Variants in KCNAB2 observed in about 807,000 individuals in gnomAD.
The protein encoded by KCNAB2 is potassium voltage-gated channel subfamily A regulatory beta subunit 2.
In KCNAB2, 29 loss-of-function variants were observed where a neutral mutation model predicts 63.6. That is an observed-to-expected ratio of 0.46 (90% CI 0.34 to 0.62). The LOEUF (loss-of-function observed/expected upper bound fraction) is 0.62. KCNAB2 is among the 20% of genes least tolerant of loss of function. KCNAB2 has a pLI of 0.01. For missense variants in KCNAB2, 359 were observed against 563.9 expected (o/e 0.64, Z 3.68); for synonymous variants, 222 against 224.2 (o/e 0.99, Z 0.09).
intron 2 of KCNAB2, among the ~76,000 whole-genome samples, chr1:6,065,437 C>T (rs1008612055): frequency 6.6e-5 from 10 of 152,208 alleles, no homozygotes; most frequent in Admixed American, 2.0e-4. Flanking sequence ...CCGCCCACAG[C>T]GCGCAGAGCC....
chr1:6,069,070 T>G lies in KCNAB2; in HGVS notation c.219-3685T>G, dbSNP rs1320145632. Among the ~76,000 whole-genome samples the G allele has an allele frequency of 6.6e-6, 1 of 152,146 alleles. No individual in the cohort carries two copies. The highest frequency in any genetic ancestry group is 1.5e-5 in the Non-Finnish European group (1 of 68,028). ...AACATCGTCCCAAACAAGCACTCCC[T>G]GGGACCCTGCCACTGCCAGCTCCAA... On this transcript the variant is annotated intron_variant, in intron 2 of 15. Transcript: ENST00000378083. This position sits in a 1 kb window ranked among gnomAD's most constrained non-coding sequence, Gnocchi z 5.4.
At chr1:6,041,213 G>C (rs916718299), upstream of KCNAB2, 1 of 156,702 alleles carries the variant, frequency 6.4e-6, no homozygotes, top group Non-Finnish European at 1.4e-5. Context: ...GAACATCAGC[G>C]ACAGCTGCGG....
At chr1:6,041,880 G>T, upstream of KCNAB2, 1 of 1,613,556 alleles carries the variant, frequency 6.2e-7, no homozygotes. Context: ...CAGGTAATGA[G>T]TCTTCATTCT....
In KCNAB2 at chr1:6,086,116, C is replaced by A; in HGVS notation, c.425+868C>A. On this transcript the variant is annotated intron_variant, in intron 6 of 15. Coordinates refer to ENST00000378083, the MANE Select transcript of KCNAB2 (RefSeq NM_001199862.2). This position sits in a 1 kb window ranked among gnomAD's most constrained non-coding sequence, Gnocchi z 4.2. ...AGCTTTATCTCAAGGTGCTGACAAGCCCCGGGGCCCTGTTCCTTAATAAAT... is the reference window on the plus strand; with the variant it reads ...AGCTTTATCTCAAGGTGCTGACAAGACCCGGGGCCCTGTTCCTTAATAAAT... 1 of 985,378 alleles carries A rather than the reference C, an allele frequency of 1.0e-6. No individual in the cohort carries two copies. Among genetic ancestry groups the A allele is most frequent in the Non-Finnish European group, 1.2e-6 (1 of 829,912 alleles). 61.0% of individuals were successfully genotyped at this position (985,378 alleles called of 1,614,324 possible).
At chr1:6,084,423 A>G (rs11582803) in intron 5 of KCNAB2, among the ~76,000 whole-genome samples, 5,735 of 152,330 alleles carry the variant, frequency 0.038, 152 homozygotes, top group Non-Finnish European at 0.059. Context: ...ACATATACAC[A>G]AGCATGCACA....
In KCNAB2 at chr1:6,096,264, G is replaced by T; in HGVS notation, c.949-372G>T. 2.4e-6 allele frequency: 1 copy of T among 411,222 alleles called. No homozygotes were observed. Among genetic ancestry groups the T allele is most frequent in the Non-Finnish European group, 4.8e-6 (1 of 209,114 alleles). The allele number at this position is 411,222 out of a possible 1,614,324, so 25.5% of individuals were successfully genotyped here. A position where few individuals can be genotyped will look rare whatever the true frequency, so the allele number is the denominator to read the frequency against. On this transcript the variant is annotated intron_variant, in intron 13 of 15. Transcript: ENST00000378083. The surrounding 1 kb of genome is among the most constrained non-coding windows in gnomAD (Gnocchi z 5.9). Reference sequence around the variant, plus strand: ...CTGGGGGGGATGGCCAGGGGAGAGAGCACTCCCCTAGGGCCAGGAGGTTCT... The same window carrying T: ...CTGGGGGGGATGGCCAGGGGAGAGATCACTCCCCTAGGGCCAGGAGGTTCT...
At chr1:6,063,752 G>C (rs553067287) in intron 2 of KCNAB2, among the ~76,000 whole-genome samples, 91 of 152,256 alleles carry the variant, frequency 6.0e-4, no homozygotes, top group African/African-American at 1.7e-3. Context: ...ATTTTCTGGA[G>C]AGGGCTACAT....
At chr1:5,997,746 C>T (rs1657020220) in intron 1 of KCNAB2, among the ~76,000 whole-genome samples, 1 of 152,218 alleles carries the variant, frequency 6.6e-6, no homozygotes, top group Admixed American at 6.5e-5. Flanking sequence ...AAGTGATATT[C>T]TTGCCACCCC....
intron 1 of KCNAB2, among the ~76,000 whole-genome samples, chr1:6,014,766 C>G (rs1185974938): frequency 6.6e-6 from 1 of 152,206 alleles, no homozygotes; most frequent in Non-Finnish European, 1.5e-5. Context: ...CTCCTCCTCC[C>G]GTCACCCTCG....
intron 2 of KCNAB2, among the ~76,000 whole-genome samples, chr1:6,070,868 G>C (rs906215322): frequency 6.6e-6 from 1 of 152,084 alleles, no homozygotes. Context: ...GCCGCCACCC[G>C]GTGCGCCCCT....
At position 6,086,143 on chromosome 1, in the gene KCNAB2, C is replaced by T. The variant is rs11805120; in HGVS notation, c.425+895C>T. ...CCGGGGCCCTGTTCCTTAATAAATGCGTCTTTATTTTCAGAAACATCAGAA... is the reference window on the plus strand; with the variant it reads ...CCGGGGCCCTGTTCCTTAATAAATGTGTCTTTATTTTCAGAAACATCAGAA... On this transcript the variant is annotated intron_variant, in intron 6 of 15. Coordinates refer to ENST00000378083, the MANE Select transcript of KCNAB2 (RefSeq NM_001199862.2). The surrounding 1 kb of genome is among the most constrained non-coding windows in gnomAD (Gnocchi z 4.2). 4.6e-3 allele frequency: 4,497 copies of T among 985,260 alleles called. 172 individuals are homozygous for T. In the African/African-American group the frequency reaches 0.074, roughly 16 times the overall value. 61.0% of individuals were successfully genotyped at this position (985,260 alleles called of 1,614,324 possible). A position where few individuals can be genotyped will look rare whatever the true frequency, so the allele number is the denominator to read the frequency against.
rs1353824612 is a variant in KCNAB2, at chr1:6,096,999, C to T, written c.1069+243C>T. Among the ~76,000 whole-genome samples, 1 of 152,176 alleles carries T rather than the reference C, an allele frequency of 6.6e-6. No homozygotes were observed. The highest frequency in any genetic ancestry group is 1.5e-5 in the Non-Finnish European group (1 of 68,020). ...TGGGCCACCCCCTCCATCTGCCAGC[C>T]ATAGGTAATGGGGCTCCCGCTTTCA... is the stretch of plus-strand genomic sequence containing the variant. On this transcript the variant is annotated intron_variant, in intron 14 of 15. Coordinates refer to ENST00000378083, the MANE Select transcript of KCNAB2 (RefSeq NM_001199862.2). This position sits in a 1 kb window ranked among gnomAD's most constrained non-coding sequence, Gnocchi z 5.9.
chr1:6,004,981 T>TA (rs1557920905), intron 1 of KCNAB2, among the ~76,000 whole-genome samples: 23 of 115,420 alleles, frequency 2.0e-4, no homozygotes, highest in Admixed American at 3.4e-4. Flanking sequence ...GGGATGAGGG[T>TA]GCAGGCAGAG....
chr1:5,998,152 T>C (rs1657039731), intron 1 of KCNAB2, among the ~76,000 whole-genome samples: 1 of 152,236 alleles, frequency 6.6e-6, no homozygotes, highest in Non-Finnish European at 1.5e-5. Context: ...CCAGGCAGGC[T>C]GGATGATGGC....
At chr1:5,995,659 G>T (rs1656901434) in intron 1 of KCNAB2, among the ~76,000 whole-genome samples, 1 of 152,170 alleles carries the variant, frequency 6.6e-6, no homozygotes, top group African/African-American at 2.4e-5. Context: ...AGAAGAGTGA[G>T]GGCACCAGGT....
chr1:6,068,765 T>C (rs1662959916), intron 2 of KCNAB2, among the ~76,000 whole-genome samples: 1 of 152,158 alleles, frequency 6.6e-6, no homozygotes, highest in Non-Finnish European at 1.5e-5. Flanking sequence ...AGGGGGAGCC[T>C]GATCCCAGCC....
intron 1 of KCNAB2, among the ~76,000 whole-genome samples, chr1:6,048,471 G>A (rs1324962576): frequency 6.6e-6 from 1 of 152,170 alleles, no homozygotes; most frequent in Admixed American, 6.5e-5. Context: ...GTGCCTGCCT[G>A]GGCCACACCA....
chr1:6,066,691 T>C (rs1662784624), intron 2 of KCNAB2, among the ~76,000 whole-genome samples: 1 of 152,204 alleles, frequency 6.6e-6, no homozygotes, highest in South Asian at 2.1e-4. Flanking sequence ...GGTGGTCTGA[T>C]ATCTTTCCAG....
In KCNAB2 at chr1:6,074,313, A is replaced by G. The variant is rs568290359; in HGVS notation, c.300+543A>G. On this transcript the variant is annotated intron_variant, in intron 4 of 15. Transcript: ENST00000378083. This position sits in a 1 kb window ranked among gnomAD's most constrained non-coding sequence, Gnocchi z 4.9. ...TGTATTTGCTGGGGCTCATGTCCCC[A>G]CAATTGGAACAAGAAAGTGAACACT... Among the ~76,000 whole-genome samples the G allele has an allele frequency of 6.6e-6, 1 of 152,308 alleles. No homozygotes were observed. The highest frequency in any genetic ancestry group is 6.5e-5 in the Admixed American group (1 of 15,304).
Sources: allele counts gnomAD v4.1 joint callset (sites outside exome capture counted in the v4.1 genomes callset), GRCh38; gene constraint gnomAD v4.1.1; non-coding constraint Gnocchi (gnomAD v3.1); transcripts MANE v1.5; gene names NCBI Gene and HGNC (gene_info 2026-07-23, HGNC 2026-07-21).